The following HMGN5 variants were observed in gnomAD, a reference collection of about 807,000 sequenced individuals.
HMGN5 encodes high mobility group nucleosome binding domain 5.
HMGN5 carries 4 observed loss-of-function variants against 9.5 expected under a neutral mutation model. That is an observed-to-expected ratio of 0.42 (90% CI 0.21 to 0.96). The LOEUF is 0.96. Ranked by LOEUF, HMGN5 falls within the 40% of genes least tolerant of loss-of-function variation. HMGN5 has a pLI of 0.30. For missense variants in HMGN5, 192 were observed against 187.5 expected, an observed-to-expected ratio of 1.02 and a Z score of -0.14; for synonymous variants, 55 against 57.1, an observed-to-expected ratio of 0.96 and a Z score of 0.16.
intron 1 of HMGN5, among the ~76,000 whole-genome samples, chrX:81,172,375 G>A (rs1021565824): frequency 1.8e-5 from 2 of 110,633 alleles, no homozygotes; most frequent in Non-Finnish European, 3.8e-5. Context: ...GGTAATAACT[G>A]GGTGGTTATG....
At chrX:81,174,673 AG>A (rs1249286947) in intron 1 of HMGN5, among the ~76,000 whole-genome samples, 6 of 111,752 alleles carry the variant, frequency 5.4e-5, no homozygotes, top group African/African-American at 1.9e-4. Flanking sequence ...CCATCAAATA[AG>A]GATAATAATA....
chrX:81,191,364 A>T (rs1221042906), intron 1 of HMGN5, among the ~76,000 whole-genome samples: 1 of 112,066 alleles, frequency 8.9e-6, no homozygotes, highest in Non-Finnish European at 1.9e-5. Context: ...TCACAGGAAG[A>T]AGTTTAATAT....
At chrX:81,147,395 C>A (rs1433634867) in intron 1 of HMGN5, among the ~76,000 whole-genome samples, 2 of 111,652 alleles carry the variant, frequency 1.8e-5, no homozygotes, top group African/African-American at 3.3e-5. Flanking sequence ...AAGACAAAAA[C>A]CACGTGATTA....
intron 1 of HMGN5, among the ~76,000 whole-genome samples, chrX:81,144,517 G>T (rs1226920664): frequency 8.9e-6 from 1 of 111,933 alleles, no homozygotes; most frequent in Admixed American, 9.5e-5. Flanking sequence ...AAAGACCAAA[G>T]GTAGATAAAT....
At chrX:81,121,105 C>T (rs2075267050) in intron 2 of HMGN5, among the ~76,000 whole-genome samples, 1 of 109,298 alleles carries the variant, frequency 9.1e-6, no homozygotes, top group African/African-American at 3.3e-5. Flanking sequence ...AGAACAAAGG[C>T]AAATACAGGA....
intron 1 of HMGN5, among the ~76,000 whole-genome samples, chrX:81,140,543 G>T (rs1405645422): frequency 1.2e-5 from 1 of 83,507 alleles, no homozygotes; most frequent in Non-Finnish European, 2.3e-5. Context: ...CTTGGCGACA[G>T]AGCGAGACTC....
At chrX:81,169,899 C>G (rs771172795) in intron 1 of HMGN5, among the ~76,000 whole-genome samples, 1 of 108,718 alleles carries the variant, frequency 9.2e-6, no homozygotes, top group African/African-American at 3.3e-5. Context: ...ACAAAAAATA[C>G]AAAAATTAGC....
chrX:81,128,913 C>T (rs767734141), intron 1 of HMGN5, among the ~76,000 whole-genome samples: 2 of 111,783 alleles, frequency 1.8e-5, no homozygotes, highest in African/African-American at 6.5e-5. Flanking sequence ...CTCAAGTCTT[C>T]GTTTCTTCCA....
Position 81,147,849 on chromosome X carries a change from C to T in HMGN5, c.-123-26177G>A, listed in dbSNP as rs1288295089. Among the ~76,000 whole-genome samples the T allele has an allele frequency of 6.3e-5, 7 of 111,103 alleles. No homozygotes were observed. The East Asian group carries it at 2.0e-3, about 31-fold the overall frequency. Reference sequence around the variant, plus strand: ...CCTATACACCAATAACAGACAAACACAGAGCCAAATCATGAGTGAACTCCC... The same window carrying T: ...CCTATACACCAATAACAGACAAACATAGAGCCAAATCATGAGTGAACTCCC... On this transcript the variant is annotated intron_variant, in intron 1 of 6. Transcript: ENST00000358130.
intron 1 of HMGN5, among the ~76,000 whole-genome samples, chrX:81,193,888 C>A (rs1333071961): frequency 9.0e-6 from 1 of 110,953 alleles, no homozygotes; most frequent in Non-Finnish European, 1.9e-5. Flanking sequence ...ATGAAGAAGA[C>A]CAAAGTAGGA....
At chrX:81,150,918 A>G (rs1032448715) in intron 1 of HMGN5, among the ~76,000 whole-genome samples, 3 of 112,079 alleles carry the variant, frequency 2.7e-5, no homozygotes, top group African/African-American at 9.7e-5. Flanking sequence ...AAAATTGAAC[A>G]AGGAAGAAAT....
At position 81,114,854 on chromosome X, in the gene HMGN5, T is replaced by C; in HGVS notation, c.644A>G (p.Lys215Arg). The change falls in exon 7 of 7, where the codon AAA becomes AGA. Residue 215 changes from lysine to arginine, a missense_variant. Transcript: ENST00000358130. ...CCCCTCTTTTTTATCTCCCTTCTCT[T>C]TTCCATCTTCATTCTCTTTTCCATC... ...TGDGKENEDG[K>R]EKGDKKEGKD... 1 of 1,160,616 alleles carries C rather than the reference T, an allele frequency of 8.6e-7. No individual in the cohort carries two copies. The highest frequency in any genetic ancestry group is 1.9e-5 in the South Asian group (1 of 51,537).
chrX:81,157,549 T>C (rs1044010621), intron 1 of HMGN5, among the ~76,000 whole-genome samples: 1 of 111,369 alleles, frequency 9.0e-6, no homozygotes, highest in Admixed American at 9.6e-5. Context: ...TTAAACAATG[T>C]CTGTCCCCTA....
intron 1 of HMGN5, among the ~76,000 whole-genome samples, chrX:81,189,945 CATT>C (rs990407142): frequency 2.9e-4 from 32 of 112,186 alleles, no homozygotes; most frequent in Admixed American, 1.9e-4. Context: ...AGTGGTATCT[CATT>C]GTTGTTTTCA....
intron 1 of HMGN5, among the ~76,000 whole-genome samples, chrX:81,175,834 G>C (rs952262784): frequency 5.4e-5 from 6 of 111,879 alleles, no homozygotes; most frequent in African/African-American, 1.9e-4. Flanking sequence ...TGGCCGAATA[G>C]GAACAGCTCC....
intron 1 of HMGN5, among the ~76,000 whole-genome samples, chrX:81,163,340 A>T (rs994143347): frequency 8.9e-6 from 1 of 112,410 alleles, no homozygotes; most frequent in African/African-American, 3.2e-5. Context: ...TCTGACCCTG[A>T]TTCAGAATCT....
At chrX:81,189,824 T>A (rs2075488921) in intron 1 of HMGN5, among the ~76,000 whole-genome samples, 1 of 112,284 alleles carries the variant, frequency 8.9e-6, no homozygotes, top group East Asian at 2.8e-4. Context: ...CCAAAGTGGC[T>A]GGGCCATTTT....
intron 1 of HMGN5, among the ~76,000 whole-genome samples, chrX:81,123,223 C>T (rs1047503080): frequency 3.7e-5 from 4 of 108,998 alleles, no homozygotes; most frequent in Admixed American, 9.9e-5. Context: ...ATATTTATAT[C>T]ATTATTATTA....
chrX:81,143,683 A>G (rs1351565525), intron 1 of HMGN5, among the ~76,000 whole-genome samples: 1 of 112,533 alleles, frequency 8.9e-6, no homozygotes, highest in Non-Finnish European at 1.9e-5. Flanking sequence ...CTGGCAGATC[A>G]GGAGATTCCC....
Sources: gnomAD v4.1 joint callset for allele counts (sites outside exome capture counted in the v4.1 genomes callset) on GRCh38, gnomAD v4.1.1 for gene constraint, MANE v1.5 for transcripts, NCBI Gene and HGNC (gene_info 2026-07-23, HGNC 2026-07-21) for gene names.